CPQ: variants seen among roughly 807,000 people sequenced by gnomAD.
CPQ encodes the protein carboxypeptidase Q, also known as Ser-Met dipeptidase.
A neutral mutation model predicts 45.7 loss-of-function variants in CPQ; 37 were observed. The observed-to-expected ratio is 0.81, with a 90% CI of 0.62 to 1.07. The LOEUF is 1.07. CPQ is among the 50% of genes least tolerant of loss of function. The pLI is 0.00. For missense variants in CPQ, 537 were observed against 572.9 expected (o/e 0.94, Z 0.64); for synonymous variants, 186 against 205.8 (o/e 0.90, Z 0.82).
intron 4 of CPQ, among the ~76,000 whole-genome samples, chr8:96,939,020 G>A (rs963324348): frequency 3.4e-4 from 52 of 152,150 alleles, no homozygotes; most frequent in Admixed American, 5.2e-4. Flanking sequence ...TTAGTATTTC[G>A]TCATACAAGG....
intron 7 of CPQ, among the ~76,000 whole-genome samples, chr8:97,099,751 T>C (rs1267457034): frequency 6.6e-6 from 1 of 152,160 alleles, no homozygotes; most frequent in Non-Finnish European, 1.5e-5. Context: ...CTCTGCGAAA[T>C]GGATATTTTG....
At chr8:96,685,496 C>T (rs530806250) in intron 1 of CPQ, among the ~76,000 whole-genome samples, 1 of 151,708 alleles carries the variant, frequency 6.6e-6, no homozygotes, top group Non-Finnish European at 1.5e-5. Context: ...TCATTTTTTC[C>T]GATGGGATTC....
chr8:96,881,882 A>G (rs1355781800), intron 4 of CPQ, among the ~76,000 whole-genome samples: 3 of 152,236 alleles, frequency 2.0e-5, no homozygotes, highest in Non-Finnish European at 4.4e-5. Context: ...TCAAGTGTGC[A>G]ATAAACACTT....
In CPQ at chr8:97,130,434, T is replaced by G. The variant is rs1811931913; in HGVS notation, c.1256-12586T>G. 3.3e-5 allele frequency among the ~76,000 whole-genome samples: 5 copies of G among 151,650 alleles called. 1 individual carries two copies. The South Asian group carries it at 1.0e-3, about 32-fold the overall frequency. On this transcript the variant is annotated intron_variant, in intron 7 of 7. Coordinates refer to ENST00000220763, the MANE Select transcript of CPQ (RefSeq NM_016134.4). ...CATCGTCAGCTGTTTTTTTTTTTTTTTTTTTTTTCCACAAAAATGTGTAAA... is the reference window on the plus strand; with the variant it reads ...CATCGTCAGCTGTTTTTTTTTTTTTGTTTTTTTTCCACAAAAATGTGTAAA...
chr8:97,091,818 A>AT (rs1380479776), intron 7 of CPQ, among the ~76,000 whole-genome samples: 4 of 151,990 alleles, frequency 2.6e-5, no homozygotes, highest in South Asian at 2.1e-4. Flanking sequence ...TGGTTACCAA[A>AT]GTGTACTAAT....
At chr8:96,944,867 G>A (rs903248053) in intron 4 of CPQ, among the ~76,000 whole-genome samples, 1 of 152,068 alleles carries the variant, frequency 6.6e-6, no homozygotes, top group African/African-American at 2.4e-5. Context: ...GGGTAGTAGG[G>A]AAATACCTCG....
chr8:96,685,278 G>GT (rs1441968846), intron 1 of CPQ, among the ~76,000 whole-genome samples: 1 of 151,880 alleles, frequency 6.6e-6, no homozygotes, highest in Non-Finnish European at 1.5e-5. Flanking sequence ...TGGGTTCTGA[G>GT]TTTTTTGACA....
At chr8:97,076,947 T>C (rs1810856170) in intron 7 of CPQ, among the ~76,000 whole-genome samples, 2 of 152,294 alleles carry the variant, frequency 1.3e-5, no homozygotes, top group Admixed American at 1.3e-4. Flanking sequence ...TATGATAACA[T>C]AGTCAATTAA....
At chr8:97,105,573 T>G (rs967767126) in intron 7 of CPQ, among the ~76,000 whole-genome samples, 2 of 152,206 alleles carry the variant, frequency 1.3e-5, no homozygotes, top group African/African-American at 4.8e-5. Flanking sequence ...ATTACAGATA[T>G]AACAATCTGC....
chr8:97,132,560 T>C (rs1401879578), intron 7 of CPQ, among the ~76,000 whole-genome samples: 1 of 152,180 alleles, frequency 6.6e-6, no homozygotes, highest in Non-Finnish European at 1.5e-5. Flanking sequence ...CACTGTGGCT[T>C]TGTAACCTCC....
intron 1 of CPQ, among the ~76,000 whole-genome samples, chr8:96,658,801 A>C (rs1700527255): frequency 6.6e-6 from 1 of 152,214 alleles, no homozygotes; most frequent in Admixed American, 6.5e-5. Context: ...GGTGGCCACG[A>C]GCCAAGGAAT....
intron 2 of CPQ, among the ~76,000 whole-genome samples, chr8:96,816,654 A>C (rs1468096351): frequency 6.6e-6 from 1 of 152,162 alleles, no homozygotes; most frequent in Non-Finnish European, 1.5e-5. Context: ...TTGTTAAATA[A>C]TAAGACTTGA....
intron 5 of CPQ, among the ~76,000 whole-genome samples, chr8:96,978,548 G>C (rs1389588467): frequency 6.6e-6 from 1 of 152,136 alleles, no homozygotes; most frequent in Non-Finnish European, 1.5e-5. Flanking sequence ...ATAATGACCA[G>C]TTCTTTTCTA....
chr8:97,080,280 G>A (rs1475727970), intron 7 of CPQ, among the ~76,000 whole-genome samples: 1 of 152,174 alleles, frequency 6.6e-6, no homozygotes, highest in Non-Finnish European at 1.5e-5. Flanking sequence ...AATAAAGTCT[G>A]ACTCTAATTA....
At chr8:96,837,936 T>G (rs1811552721) in intron 3 of CPQ, among the ~76,000 whole-genome samples, 4 of 152,196 alleles carry the variant, frequency 2.6e-5, no homozygotes, top group African/African-American at 9.6e-5. Context: ...TTTCCCAGCA[T>G]GACTCCACAT....
chr8:96,980,045 A>G (rs1022326910), intron 5 of CPQ, among the ~76,000 whole-genome samples: 10 of 152,136 alleles, frequency 6.6e-5, no homozygotes, highest in African/African-American at 2.4e-4. Context: ...TAGAATAAGC[A>G]TGTGCTCTAT....
At chr8:96,722,355 T>TG (rs1353767905) in intron 1 of CPQ, among the ~76,000 whole-genome samples, 1 of 152,204 alleles carries the variant, frequency 6.6e-6, no homozygotes, top group African/African-American at 2.4e-5. Flanking sequence ...ACTATGGCCC[T>TG]GGGACCAGAT....
intron 4 of CPQ, among the ~76,000 whole-genome samples, chr8:96,914,324 G>T (rs1812704622): frequency 6.6e-6 from 1 of 152,136 alleles, no homozygotes; most frequent in Non-Finnish European, 1.5e-5. Flanking sequence ...CTCCATCACA[G>T]AGCAGTTTTT....
rs112072860 is a variant in CPQ, at chr8:96,939,667, A to C, written c.850-26268A>C. On this transcript the variant is annotated intron_variant, in intron 4 of 7. Transcript: ENST00000220763. ...TGTGCTTCATTTATTTTCATAGCTT[A>C]TAACACTCCATTGTGTGAATATGCC... is the stretch of plus-strand genomic sequence containing the variant. Among the ~76,000 whole-genome samples, 4 of 152,272 alleles carry C rather than the reference A, an allele frequency of 2.6e-5. No homozygotes were observed. The South Asian group carries it at 8.3e-4, about 32-fold the overall frequency.
Sources: gnomAD v4.1 joint callset for allele counts (sites outside exome capture counted in the v4.1 genomes callset) on GRCh38, gnomAD v4.1.1 for gene constraint, MANE v1.5 for transcripts, NCBI Gene and HGNC (gene_info 2026-07-23, HGNC 2026-07-21) for gene names.